TSPAN15: variants seen among roughly 807,000 people sequenced by gnomAD.
The protein encoded by TSPAN15 is tetraspanin 15.
A neutral mutation model predicts 34.5 loss-of-function variants in TSPAN15; 20 were observed. The observed-to-expected ratio is 0.58, with a 90% CI of 0.41 to 0.84. The LOEUF (loss-of-function observed/expected upper bound fraction) is 0.84. Among genes scored for constraint, TSPAN15 ranks in the 40% least tolerant of loss-of-function variants. TSPAN15 has a pLI of 0.00. For synonymous variants in TSPAN15, 155 were observed against 153.9 expected (o/e 1.01, Z -0.05); for missense variants, 313 against 386.1 (o/e 0.81, Z 1.59).
the TSPAN15 span, among the ~76,000 whole-genome samples, chr10:69,533,173 T>C: frequency 6.6e-6 from 1 of 152,064 alleles, no homozygotes; most frequent in South Asian, 2.1e-4. Flanking sequence ...ATCCCACTAC[T>C]AGAGGAAAAG....
chr10:69,545,081 G>C, the TSPAN15 span, among the ~76,000 whole-genome samples: 1 of 152,206 alleles, frequency 6.6e-6, no homozygotes. Flanking sequence ...CAAACTGGGG[G>C]TCCCGCCTGC....
chr10:69,491,234 G>T (rs1841962571), intron 3 of TSPAN15, among the ~76,000 whole-genome samples: 1 of 152,362 alleles, frequency 6.6e-6, no homozygotes, highest in African/African-American at 2.4e-5. Context: ...TATTGGGACT[G>T]GAGCAGAGGC....
At position 69,456,697 on chromosome 10, in the gene TSPAN15, C is replaced by G. The variant is rs910849118; in HGVS notation, c.96+5007C>G. Among the ~76,000 whole-genome samples, 22 of 152,272 alleles carry G rather than the reference C, an allele frequency of 1.4e-4. 2 individuals carry two copies. Among genetic ancestry groups the G allele is most frequent in the Admixed American group, 1.2e-3 (19 of 15,300 alleles). On this transcript the variant is annotated intron_variant, in intron 1 of 7. Transcript: ENST00000373290. Reference sequence around the variant, plus strand: ...CCTCTCTGTTCAAAAGGTAGGTTGGCAAGTGCTTGAGGGGCTGAAAGACAA... The same window carrying G: ...CCTCTCTGTTCAAAAGGTAGGTTGGGAAGTGCTTGAGGGGCTGAAAGACAA...
downstream of TSPAN15, chr10:69,507,755 A>T: frequency 1.2e-6 from 1 of 806,984 alleles, no homozygotes; most frequent in Non-Finnish European, 1.7e-6. Context: ...GGATGCGAGG[A>T]TGAAGGGGGT....
the TSPAN15 span, among the ~76,000 whole-genome samples, chr10:69,529,184 G>T: frequency 2.0e-5 from 3 of 148,022 alleles, no homozygotes; most frequent in Non-Finnish European, 4.5e-5. Flanking sequence ...CAAGAGTACA[G>T]TGATGCCTGA....
rs1841323344 is a variant in TSPAN15 at position 69,463,823 on chromosome 10, A to AAAAG, written c.96+12134_96+12135insAAGA. Among the ~76,000 whole-genome samples the AAAAG allele has an allele frequency of 3.9e-5, 6 of 151,962 alleles. No individual in the cohort carries two copies. In the South Asian group the frequency reaches 1.3e-3, roughly 32 times the overall value. On this transcript the variant is annotated intron_variant, in intron 1 of 7. Transcript: ENST00000373290. ...GACTCCGTCTCAAAAAAAAAAAAAA[A>AAAAG]AGTATGAAGGTATGTATGTTTAGGT...
intron 4 of TSPAN15, 118 bp from the exon 5 acceptor site, chr10:69,498,162 C>T: frequency 2.3e-6 from 2 of 854,034 alleles, no homozygotes; most frequent in Admixed American, 1.9e-5. Context: ...CAGCCTCTCC[C>T]TGCCCCAGGG....
At chr10:69,526,284 C>T in the TSPAN15 span, among the ~76,000 whole-genome samples, 2 of 147,916 alleles carry the variant, frequency 1.4e-5, no homozygotes, top group Non-Finnish European at 3.0e-5. Flanking sequence ...GCAAATAGGT[C>T]TGTAACCATA....
At chr10:69,545,560 T>G in the TSPAN15 span, among the ~76,000 whole-genome samples, 274 of 152,252 alleles carry the variant, frequency 1.8e-3, 1 homozygote, top group African/African-American at 6.2e-3. Flanking sequence ...ATAATAATCA[T>G]AGCCAACAAA....
At chr10:69,502,857 C>T (rs1398503361) in intron 5 of TSPAN15, among the ~76,000 whole-genome samples, 1 of 152,178 alleles carries the variant, frequency 6.6e-6, no homozygotes, top group Admixed American at 6.5e-5. Flanking sequence ...TTGTCACCTC[C>T]CTACGTACCA....
the TSPAN15 span, among the ~76,000 whole-genome samples, chr10:69,537,392 G>A: frequency 3.3e-5 from 5 of 152,150 alleles, no homozygotes; most frequent in East Asian, 1.9e-4. Flanking sequence ...GTGAAATATC[G>A]TAAGTCAGGT....
intron 1 of TSPAN15, among the ~76,000 whole-genome samples, chr10:69,472,723 A>G (rs1277864874): frequency 6.6e-6 from 1 of 152,206 alleles, no homozygotes; most frequent in Non-Finnish European, 1.5e-5. Flanking sequence ...GGAAGAAGTA[A>G]CATTTACTGA....
At chr10:69,458,987 G>A (rs1032547382) in intron 1 of TSPAN15, among the ~76,000 whole-genome samples, 3 of 151,810 alleles carry the variant, frequency 2.0e-5, no homozygotes, top group Non-Finnish European at 2.9e-5. Context: ...TGGGGCTCAC[G>A]GTCAACCTGA....
chr10:69,486,424 CT>C (rs113397224), intron 3 of TSPAN15, among the ~76,000 whole-genome samples: 11,132 of 151,880 alleles, frequency 0.073, 1,332 homozygotes, highest in African/African-American at 0.25. Flanking sequence ...GCCAAGTTAT[CT>C]TTTTTTTTAA....
At chr10:69,494,841 C>A in intron 3 of TSPAN15, 1 of 985,624 alleles carries the variant, frequency 1.0e-6, no homozygotes, top group African/African-American at 1.7e-5. Flanking sequence ...GCTGCCCACG[C>A]TCCTGCCCCC....
At chr10:69,512,084 A>G (rs907169949), downstream of TSPAN15, among the ~76,000 whole-genome samples, 1 of 152,186 alleles carries the variant, frequency 6.6e-6, no homozygotes, top group Admixed American at 6.5e-5. Context: ...AACTTAAAGT[A>G]TAAAAAAAAA....
intron 5 of TSPAN15, among the ~76,000 whole-genome samples, chr10:69,501,500 T>C (rs932187017): frequency 1.3e-5 from 2 of 152,228 alleles, no homozygotes; most frequent in Non-Finnish European, 2.9e-5. Context: ...TACACTGTAC[T>C]ATTCAACCTG....
intron 3 of TSPAN15, among the ~76,000 whole-genome samples, chr10:69,490,026 G>A (rs531758828): frequency 4.6e-5 from 7 of 152,166 alleles, no homozygotes; most frequent in Admixed American, 3.9e-4. Flanking sequence ...TGGAGGGTCC[G>A]GGCAGTAGCG....
the TSPAN15 span, among the ~76,000 whole-genome samples, chr10:69,518,328 C>T: frequency 0.02 from 3,016 of 152,332 alleles, 101 homozygotes; most frequent in African/African-American, 0.067. Context: ...GGTGTCTCAC[C>T]CGAGTGCCTG....
Sources: gnomAD v4.1 joint callset for allele counts (sites outside exome capture counted in the v4.1 genomes callset) on GRCh38, gnomAD v4.1.1 for gene constraint, MANE v1.5 for transcripts, NCBI Gene and HGNC (gene_info 2026-07-23, HGNC 2026-07-21) for gene names.